Variants in BRAF observed in about 807,000 individuals in gnomAD.
BRAF encodes the protein B-Raf proto-oncogene, serine/threonine kinase.
A neutral mutation model predicts 104.6 loss-of-function variants in BRAF; 16 were observed. That is an observed-to-expected ratio of 0.15 (90% CI 0.10 to 0.23). BRAF has a LOEUF of 0.23. BRAF is among the 10% of genes least tolerant of loss of function. BRAF has a pLI of 1.00. For synonymous variants in BRAF, 310 were observed against 341.6 expected, an observed-to-expected ratio of 0.91 and a Z score of 1.02; for missense variants, 541 against 937.3, an observed-to-expected ratio of 0.58 and a Z score of 5.52.
chr7:140,801,604 A>G, intron 5 of BRAF, 44 bp from the exon 6 acceptor site: 1 of 1,587,050 alleles, frequency 6.3e-7, no homozygotes, highest in Non-Finnish European at 8.6e-7. Flanking sequence ...CTCACAAGAA[A>G]ACTTTCTAGA....
Position 140,720,507 on chromosome 7 carries a change from A to T in BRAF, c.*5987T>A, listed in dbSNP as rs1488762357. On this transcript the variant is annotated 3_prime_UTR_variant, in exon 20 of 20. Transcript: ENST00000644969. ...TATAGCTGGTTTTAATCAGCTATGG[A>T]ACATACACAAATGTATTAGGAAGGA... is the stretch of plus-strand genomic sequence containing the variant. 3.8e-6 allele frequency: 4 copies of T among 1,064,946 alleles called. No individual in the cohort carries two copies. The South Asian group carries it at 1.8e-4, about 48-fold the overall frequency. The allele number at this position is 1,064,946 out of a possible 1,614,324, so 66.0% of individuals were successfully genotyped here.
chr7:140,736,436 T>G (rs1180262406), intron 18 of BRAF, among the ~76,000 whole-genome samples: 1 of 150,408 alleles, frequency 6.6e-6, no homozygotes, highest in Admixed American at 6.6e-5. Flanking sequence ...ACACCACTTT[T>G]TTTTTTTGGA....
intron 8 of BRAF, among the ~76,000 whole-genome samples, chr7:140,792,608 C>T (rs1802099777): frequency 6.6e-6 from 1 of 152,170 alleles, no homozygotes; most frequent in African/African-American, 2.4e-5. Flanking sequence ...CTTCTCTGCT[C>T]AATGTTCCTA....
At chr7:140,856,403 G>C (rs978605252) in intron 1 of BRAF, among the ~76,000 whole-genome samples, 24 of 152,096 alleles carry the variant, frequency 1.6e-4, no homozygotes, top group Admixed American at 3.9e-4. Context: ...CTGAAAAACA[G>C]AAAACGAATA....
At chr7:140,911,801 T>G (rs1010155409) in intron 1 of BRAF, among the ~76,000 whole-genome samples, 1 of 152,234 alleles carries the variant, frequency 6.6e-6, no homozygotes, top group Non-Finnish European at 1.5e-5. Context: ...AAATTTAGCC[T>G]ACATTCATGG....
intron 1 of BRAF, among the ~76,000 whole-genome samples, chr7:140,854,790 C>T (rs1809587466): frequency 6.6e-6 from 1 of 151,944 alleles, no homozygotes; most frequent in South Asian, 2.1e-4. Flanking sequence ...ACTAAAAATA[C>T]AAAAATTAGC....
intron 1 of BRAF, among the ~76,000 whole-genome samples, chr7:140,892,617 G>C (rs1365633631): frequency 1.3e-5 from 2 of 152,184 alleles, no homozygotes; most frequent in African/African-American, 2.4e-5. Context: ...TACTGTGCTA[G>C]AGCATTTAGT....
At chr7:140,835,861 A>G (rs1807277556) in intron 2 of BRAF, 1 of 152,238 alleles carries the variant, frequency 6.6e-6, no homozygotes, top group Admixed American at 6.5e-5. Context: ...ACAAACATTT[A>G]TGAAAGAGAG....
Position 140,719,395 on chromosome 7 carries a change from C to G in BRAF, c.*7099G>C, listed in dbSNP as rs990004356. 5.0e-6 allele frequency: 5 copies of G among 1,006,558 alleles called. No homozygotes were observed. The highest frequency in any genetic ancestry group is 6.0e-6 in the Non-Finnish European group (5 of 836,190). 62.4% of individuals were successfully genotyped at this position (1,006,558 alleles called of 1,614,324 possible). A position where few individuals can be genotyped will look rare whatever the true frequency, so the allele number is the denominator to read the frequency against. ...GCATATTCACATCAAGTACATAGAA[C>G]TTTTTTTGCCTTTTATATAATACAG... On this transcript the variant is annotated 3_prime_UTR_variant, in exon 20 of 20. Transcript: ENST00000644969.
At chr7:140,746,537 A>T (rs1797362509) in intron 17 of BRAF, among the ~76,000 whole-genome samples, 1 of 152,152 alleles carries the variant, frequency 6.6e-6, no homozygotes, top group Non-Finnish European at 1.5e-5. Context: ...AGGTAATTGA[A>T]AAAAGAAAAA....
At chr7:140,918,023 T>C (rs1362027464) in intron 1 of BRAF, among the ~76,000 whole-genome samples, 3 of 152,224 alleles carry the variant, frequency 2.0e-5, no homozygotes, top group African/African-American at 7.2e-5. Flanking sequence ...CCCTTAAGAT[T>C]GCTGACCTCT....
At chr7:140,734,265 C>G in intron 19 of BRAF, 1 of 1,220,384 alleles carries the variant, frequency 8.2e-7, no homozygotes, top group South Asian at 2.1e-5. Context: ...CATGTGATAG[C>G]TGGCAACAAA....
rs192381583 is a variant in BRAF at position 140,813,136 on chromosome 7, T to C, written c.505-4141A>G. Among the ~76,000 whole-genome samples the C allele has an allele frequency of 6.6e-5, 10 of 152,146 alleles. No homozygotes were observed. In the East Asian group the frequency reaches 1.9e-3, roughly 29 times the overall value. On this transcript the variant is annotated intron_variant, in intron 3 of 19. Coordinates refer to ENST00000644969, the MANE Select transcript of BRAF (RefSeq NM_001374258.1). ...AAGACAGTACAAATGGTGAAAAATA[T>C]ATTTGCAACTCATTTAGCAGATGTG...
At chr7:140,814,298 T>C (rs1421956957) in intron 3 of BRAF, among the ~76,000 whole-genome samples, 2 of 152,192 alleles carry the variant, frequency 1.3e-5, no homozygotes, top group African/African-American at 2.4e-5. Context: ...ATTTTTAAAG[T>C]GAACTGAAAT....
intron 1 of BRAF, among the ~76,000 whole-genome samples, chr7:140,857,287 A>G (rs1809898299): frequency 6.6e-6 from 1 of 152,242 alleles, no homozygotes; most frequent in Admixed American, 6.5e-5. Flanking sequence ...AAGAAATACA[A>G]GCAGTGCAGC....
chr7:140,734,127 T>C lies in BRAF; in HGVS notation c.2401+490A>G, dbSNP rs914212811. On this transcript the variant is annotated intron_variant, in intron 19 of 19. Transcript: ENST00000644969. ...ATTATTAAGAATAATAATAGAATTA[T>C]TAAATTCTACTGACTTCCTAAATTA... 50 of 1,054,340 alleles carry C rather than the reference T, an allele frequency of 4.7e-5. No individual in the cohort carries two copies. In the African/African-American group the frequency reaches 7.4e-4, roughly 16 times the overall value. 65.3% of individuals were successfully genotyped at this position (1,054,340 alleles called of 1,614,324 possible).
intron 1 of BRAF, among the ~76,000 whole-genome samples, chr7:140,905,740 C>G (rs1036766378): frequency 1.3e-5 from 2 of 152,054 alleles, no homozygotes; most frequent in African/African-American, 2.4e-5. Flanking sequence ...TTGTTATCTT[C>G]TGTTGGTTGA....
intron 1 of BRAF, among the ~76,000 whole-genome samples, chr7:140,909,842 CAACAAA>C (rs1446467241): frequency 2.0e-5 from 3 of 148,042 alleles, no homozygotes; most frequent in South Asian, 2.1e-4. Context: ...ACAACAACAA[CAACAAA>C]AAAGTGCCTC....
chr7:140,893,676 C>T (rs188834090), intron 1 of BRAF, among the ~76,000 whole-genome samples: 12 of 152,084 alleles, frequency 7.9e-5, no homozygotes, highest in Admixed American at 3.9e-4. Context: ...CAACCCCACC[C>T]GCCACACCAC....
Sources: allele counts gnomAD v4.1 joint callset (sites outside exome capture counted in the v4.1 genomes callset), GRCh38; gene constraint gnomAD v4.1.1; transcripts MANE v1.5; gene names NCBI Gene and HGNC (gene_info 2026-07-23, HGNC 2026-07-21).